The following PTCHD4 variants were observed in gnomAD, a reference collection of about 807,000 sequenced individuals.
PTCHD4 encodes the protein patched domain-containing protein 4.
PTCHD4 carries 33 observed loss-of-function variants against 58.1 expected under a neutral mutation model. That is an observed-to-expected ratio of 0.57 (90% CI 0.43 to 0.76). PTCHD4 has a LOEUF of 0.76. Among genes scored for constraint, PTCHD4 ranks in the 30% least tolerant of loss-of-function variants. PTCHD4 has a pLI of 0.00. For synonymous variants in PTCHD4, 478 were observed against 409.6 expected, an observed-to-expected ratio of 1.17 and a Z score of -2.02; for missense variants, 1,058 against 1,027.1, an observed-to-expected ratio of 1.03 and a Z score of -0.41.
Position 48,075,942 on chromosome 6 carries a change from CT to C in PTCHD4, c.-969-6017del. Among the ~76,000 whole-genome samples, 7 of 152,300 alleles carry C rather than the reference CT, an allele frequency of 4.6e-5. No homozygotes were observed. The Middle Eastern group carries it at 0.02, about 444-fold the overall frequency. Reference sequence around the variant, plus strand: ...CAATGACGTTTGCCACATCTCTTGACTTTTCCTTTCATGAAAGATTTCTCTG... The same window carrying C: ...CAATGACGTTTGCCACATCTCTTGACTTTCCTTTCATGAAAGATTTCTCTG... On this transcript the variant is annotated intron_variant, in intron 1 of 4. Transcript: ENST00000339488.
chr6:47,954,367 A>G (rs2113953798), intron 4 of PTCHD4, among the ~76,000 whole-genome samples: 1 of 152,298 alleles, frequency 6.6e-6, no homozygotes, highest in Admixed American at 6.5e-5. Context: ...AAACAAACAA[A>G]CAAAAAATAA....
intron 4 of PTCHD4, among the ~76,000 whole-genome samples, chr6:47,955,393 G>A (rs1201209136): frequency 1.3e-5 from 2 of 152,204 alleles, no homozygotes; most frequent in Non-Finnish European, 2.9e-5. Context: ...CGAATTATGA[G>A]TCTGATTTAT....
At chr6:47,899,372 T>C (rs1332704406) in intron 4 of PTCHD4, among the ~76,000 whole-genome samples, 1 of 152,212 alleles carries the variant, frequency 6.6e-6, no homozygotes, top group Non-Finnish European at 1.5e-5. Context: ...TTTCCCCTGA[T>C]GGACACCAAA....
At chr6:47,993,120 G>A (rs1018744252) in intron 4 of PTCHD4, among the ~76,000 whole-genome samples, 11 of 152,154 alleles carry the variant, frequency 7.2e-5, no homozygotes, top group Admixed American at 6.5e-5. Context: ...AAGTCTGACT[G>A]TAAGGCAACA....
chr6:48,068,452 G>A lies in PTCHD4; in HGVS notation c.195C>T (p.Gly65=), dbSNP rs1159461092. The part of the protein sequence containing the change: ...LSALNRFQPE[G]DLERLVAPSH... ...TGGGAGCGACCAGGCGCTCCAGGTCGCCCTCGGGCTGGAAGCGGTTGAGCG... is the reference window on the plus strand; with the variant it reads ...TGGGAGCGACCAGGCGCTCCAGGTCACCCTCGGGCTGGAAGCGGTTGAGCG... Residue 65 remains glycine, a synonymous_variant, in exon 3 of 5, where the codon GGC becomes GGT. Coordinates refer to ENST00000339488, the MANE Select transcript of PTCHD4 (RefSeq NM_001384253.1). The surrounding 1 kb of genome is among the most constrained non-coding windows in gnomAD (Gnocchi z 4.2). The A allele has an allele frequency of 1.2e-6, 2 of 1,613,754 alleles. No individual in the cohort carries two copies. Among genetic ancestry groups the A allele is most frequent in the Non-Finnish European group, 8.5e-7 (1 of 1,179,844 alleles).
At chr6:48,000,169 G>A (rs1768664992) in intron 4 of PTCHD4, among the ~76,000 whole-genome samples, 1 of 152,142 alleles carries the variant, frequency 6.6e-6, no homozygotes, top group African/African-American at 2.4e-5. Flanking sequence ...AACAGAGGTG[G>A]CAAAGAGGTC....
intron 4 of PTCHD4, among the ~76,000 whole-genome samples, chr6:47,935,432 A>C (rs1484255533): frequency 6.6e-6 from 1 of 152,156 alleles, no homozygotes; most frequent in Non-Finnish European, 1.5e-5. Context: ...AAGAGAAGTA[A>C]CACCACCTGG....
At chr6:47,976,251 T>C (rs1482228890) in intron 4 of PTCHD4, among the ~76,000 whole-genome samples, 1 of 152,206 alleles carries the variant, frequency 6.6e-6, no homozygotes, top group Non-Finnish European at 1.5e-5. Context: ...ATGAATTCCT[T>C]AGTCTTCTCA....
chr6:47,904,562 G>A (rs1764816142), intron 4 of PTCHD4, among the ~76,000 whole-genome samples: 1 of 152,136 alleles, frequency 6.6e-6, no homozygotes, highest in African/African-American at 2.4e-5. Flanking sequence ...CTGGAAAGAG[G>A]ATTATAGCAG....
At chr6:47,920,220 T>C (rs920924439) in intron 4 of PTCHD4, among the ~76,000 whole-genome samples, 3 of 152,036 alleles carry the variant, frequency 2.0e-5, no homozygotes, top group Non-Finnish European at 4.4e-5. Context: ...GTGAAGAGAT[T>C]GGATTTGGGA....
intron 4 of PTCHD4, among the ~76,000 whole-genome samples, chr6:47,960,736 T>C (rs1197885662): frequency 1.3e-5 from 2 of 151,908 alleles, no homozygotes; most frequent in African/African-American, 4.8e-5. Flanking sequence ...ATTCTAACAG[T>C]AATTAGAAAG....
chr6:47,980,699 T>A (rs1008292587), intron 4 of PTCHD4, among the ~76,000 whole-genome samples: 1 of 151,982 alleles, frequency 6.6e-6, no homozygotes, highest in Non-Finnish European at 1.5e-5. Flanking sequence ...TTATTTTAAA[T>A]GAAAATAATT....
intron 3 of PTCHD4, among the ~76,000 whole-genome samples, chr6:48,022,221 C>T (rs1763096530): frequency 6.6e-6 from 1 of 151,350 alleles, no homozygotes; most frequent in Non-Finnish European, 1.5e-5. Context: ...CTCTCTAACC[C>T]TTTCTCCCTG....
At chr6:48,020,912 A>T (rs557935278) in intron 3 of PTCHD4, among the ~76,000 whole-genome samples, 1 of 152,196 alleles carries the variant, frequency 6.6e-6, no homozygotes, top group Non-Finnish European at 1.5e-5. Flanking sequence ...TTATATTATC[A>T]TTACAAAATT....
intron 4 of PTCHD4, among the ~76,000 whole-genome samples, chr6:47,886,119 A>AG (rs1554149615): frequency 6.9e-6 from 1 of 145,908 alleles, no homozygotes; most frequent in Non-Finnish European, 1.5e-5. Flanking sequence ...CGATGGCAAG[A>AG]TTTTTTTTTT....
At position 47,871,388 on chromosome 6, in the gene PTCHD4, C is replaced by T. The variant is rs556139042; in HGVS notation, c.*6915G>A. Among the ~76,000 whole-genome samples the T allele has an allele frequency of 6.6e-6, 1 of 151,682 alleles. No individual in the cohort carries two copies. Among genetic ancestry groups the T allele is most frequent in the Non-Finnish European group, 1.5e-5 (1 of 67,702 alleles). On this transcript the variant is annotated 3_prime_UTR_variant, in exon 5 of 5. Coordinates refer to ENST00000339488, the MANE Select transcript of PTCHD4 (RefSeq NM_001384253.1). ...TCCAAGAAAAGTGATAAGTGAAATGCACTTGGAATTTTTCTGAAGTTATTC... is the reference window on the plus strand; with the variant it reads ...TCCAAGAAAAGTGATAAGTGAAATGTACTTGGAATTTTTCTGAAGTTATTC...
At chr6:47,885,769 T>A in intron 4 of PTCHD4, among the ~76,000 whole-genome samples, 1 of 152,216 alleles carries the variant, frequency 6.6e-6, no homozygotes, top group Non-Finnish European at 1.5e-5. Context: ...GCATCTAACA[T>A]TGCTGTAGGA....
chr6:48,081,225 G>A (rs1016612869), intron 1 of PTCHD4, among the ~76,000 whole-genome samples: 5 of 152,288 alleles, frequency 3.3e-5, no homozygotes, highest in African/African-American at 1.2e-4. Flanking sequence ...ATGTAATTTG[G>A]TGATAGATTA....
chr6:47,969,696 G>C (rs1767430270), intron 4 of PTCHD4, among the ~76,000 whole-genome samples: 1 of 152,058 alleles, frequency 6.6e-6, no homozygotes, highest in Non-Finnish European at 1.5e-5. Flanking sequence ...GAATTTCTCA[G>C]TACTTAATTT....
Sources: gnomAD v4.1 joint callset for allele counts (sites outside exome capture counted in the v4.1 genomes callset) on GRCh38, gnomAD v4.1.1 for gene constraint, Gnocchi (gnomAD v3.1) non-coding constraint, MANE v1.5 for transcripts, NCBI Gene and HGNC (gene_info 2026-07-23, HGNC 2026-07-21) for gene names.